The following SORT1 variants were observed in gnomAD, a reference collection of about 807,000 sequenced individuals.
SORT1 encodes the protein sortilin 1.
A neutral mutation model predicts 101.7 loss-of-function variants in SORT1; 39 were observed. That is an observed-to-expected ratio of 0.38 (90% CI 0.30 to 0.50). The LOEUF (loss-of-function observed/expected upper bound fraction) is 0.50, where lower values mean the gene tolerates loss of function less well. Ranked by LOEUF, SORT1 falls within the 20% of genes least tolerant of loss-of-function variation. SORT1 has a pLI of 0.90. For synonymous variants in SORT1, 396 were observed against 393.7 expected (o/e 1.01, Z -0.07); for missense variants, 878 against 1,040.4 (o/e 0.84, Z 2.15).
Position 109,356,035 on chromosome 1 carries a change from C to T in SORT1, c.441-566G>A, listed in dbSNP as rs143669378. Among the ~76,000 whole-genome samples, 463 of 152,220 alleles carry T rather than the reference C, an allele frequency of 3.0e-3. 5 individuals are homozygous for T. Among genetic ancestry groups the T allele is most frequent in the African/African-American group, 0.011 (444 of 41,534 alleles). On this transcript the variant is annotated intron_variant, in intron 3 of 19. Coordinates refer to ENST00000256637, the MANE Select transcript of SORT1 (RefSeq NM_002959.7). ...TACAGGTCCGTGTCACCACGCCTGG[C>T]TAATTTTTGTATTTTAAGTAGAGAC...
At position 109,312,923 on chromosome 1, in the gene SORT1, G is replaced by A. The variant is rs1658807986; in HGVS notation, c.*1120C>T. On this transcript the variant is annotated 3_prime_UTR_variant, in exon 20 of 20. Transcript: ENST00000256637. ...AATTACTTGGCAAAGTCAGAAAAAA[G>A]GGGTGAGAAGGAAAGCCTGGTAATA... 6.6e-6 allele frequency: 1 copy of A among 152,152 alleles called. No individual in the cohort carries two copies. Among genetic ancestry groups the A allele is most frequent in the Non-Finnish European group, 1.5e-5 (1 of 68,024 alleles). The allele number at this position is 152,152 out of a possible 1,614,324, so 9.4% of individuals were successfully genotyped here.
At chr1:109,315,428 G>A (rs1658971179) in intron 17 of SORT1, among the ~76,000 whole-genome samples, 1 of 152,000 alleles carries the variant, frequency 6.6e-6, no homozygotes, top group Non-Finnish European at 1.5e-5. Context: ...ACACTCTGAG[G>A]AGAGTCACCA....
intron 1 of SORT1, among the ~76,000 whole-genome samples, chr1:109,370,693 T>C (rs1353398299): frequency 6.6e-6 from 1 of 152,200 alleles, no homozygotes. Context: ...CTTACTAAGA[T>C]TTTAAAATCT....
At chr1:109,344,311 T>C (rs1419729691) in intron 8 of SORT1, among the ~76,000 whole-genome samples, 3 of 152,042 alleles carry the variant, frequency 2.0e-5, no homozygotes, top group Admixed American at 1.3e-4. Context: ...ATCTCAGCAT[T>C]CCCCTGCTCA....
At chr1:109,367,383 C>A (rs752936639) in intron 3 of SORT1, 25 bp downstream of exon 3, 1 of 1,364,860 alleles carries the variant, frequency 7.3e-7, no homozygotes, top group South Asian at 1.2e-5. Context: ...TAGTGAAATG[C>A]TCCAACGCGT....
chr1:109,329,818 T>C (rs1050470339), intron 11 of SORT1, among the ~76,000 whole-genome samples: 2 of 152,182 alleles, frequency 1.3e-5, no homozygotes, highest in African/African-American at 4.8e-5. Context: ...AGAAAACCAG[T>C]AAGGAAAGAG....
At chr1:109,365,779 C>CTAGTTGTA (rs1469832960) in intron 3 of SORT1, among the ~76,000 whole-genome samples, 6 of 152,296 alleles carry the variant, frequency 3.9e-5, no homozygotes, top group African/African-American at 1.4e-4. Context: ...GATGGCAATT[C>CTAGTTGTA]CTTGTTGGCC....
At chr1:109,350,895 G>A (rs1426608732) in intron 6 of SORT1, 34 bp downstream of exon 6, 1 of 1,408,014 alleles carries the variant, frequency 7.1e-7, no homozygotes. Context: ...GAAGGGTTTA[G>A]GGCTCTGCAC....
intron 1 of SORT1, among the ~76,000 whole-genome samples, chr1:109,394,728 A>G (rs927179341): frequency 4.6e-5 from 7 of 152,158 alleles, no homozygotes; most frequent in Admixed American, 1.3e-4. Flanking sequence ...AGATCTAGGC[A>G]TTTGGAGGGC....
At position 109,340,712 on chromosome 1, in the gene SORT1, G is replaced by A. The variant is rs774633658; in HGVS notation, c.1264+12C>T. The A allele has an allele frequency of 1.2e-5, 20 of 1,613,738 alleles. No homozygotes were observed. Among genetic ancestry groups the A allele is most frequent in the Non-Finnish European group, 1.6e-5 (19 of 1,179,874 alleles). On this transcript the variant is annotated intron_variant, in intron 10 of 19. Coordinates refer to ENST00000256637, the MANE Select transcript of SORT1 (RefSeq NM_002959.7). ...TGAAGGCACAGTACACCACTGCGAT[G>A]CCGAGACTCACCTTCGGAGAGCACG...
At chr1:109,350,905 C>T in intron 6 of SORT1, 24 bp downstream of exon 6, 4 of 1,519,364 alleles carry the variant, frequency 2.6e-6, no homozygotes, top group Non-Finnish European at 3.7e-6. Context: ...GGGCTCTGCA[C>T]AGATGGAGTC....
chr1:109,346,360 A>G (rs1649596929), intron 7 of SORT1, among the ~76,000 whole-genome samples: 1 of 151,494 alleles, frequency 6.6e-6, no homozygotes, highest in African/African-American at 2.4e-5. Context: ...TAGGCAATTC[A>G]TATTTGTGTT....
In SORT1 at chr1:109,335,694, T is replaced by C. The variant is rs191797953; in HGVS notation, c.1371+546A>G. Among the ~76,000 whole-genome samples the C allele has an allele frequency of 1.1e-4, 17 of 152,070 alleles. No individual in the cohort carries two copies. The East Asian group carries it at 3.3e-3, about 29-fold the overall frequency. Reference sequence around the variant, plus strand: ...TTCCTTGCCTGCCAAGGCCTGTCACTCCAGGCTTTAGATCTCCTGGAGTGA... The same window carrying C: ...TTCCTTGCCTGCCAAGGCCTGTCACCCCAGGCTTTAGATCTCCTGGAGTGA... On this transcript the variant is annotated intron_variant, in intron 11 of 19. Transcript: ENST00000256637.
intron 3 of SORT1, among the ~76,000 whole-genome samples, chr1:109,362,152 T>C (rs1182831016): frequency 6.6e-6 from 1 of 152,162 alleles, no homozygotes; most frequent in African/African-American, 2.4e-5. Flanking sequence ...TCAGTGTTAA[T>C]GAATCAATAA....
At chr1:109,326,085 C>T (rs1647998170) in intron 13 of SORT1, among the ~76,000 whole-genome samples, 1 of 147,132 alleles carries the variant, frequency 6.8e-6, no homozygotes, top group Non-Finnish European at 1.5e-5. Context: ...CGGGATCTCA[C>T]TCTGTCACCC....
chr1:109,318,155 C>CTTTTT (rs368333953), intron 15 of SORT1, among the ~76,000 whole-genome samples, 186 bp from the exon 16 acceptor site: 1 of 136,650 alleles, frequency 7.3e-6, no homozygotes, highest in African/African-American at 2.7e-5. Flanking sequence ...CGGAGAGGGC[C>CTTTTT]TTTTTTTTTT....
chr1:109,319,054 A>G (rs1305386143), intron 15 of SORT1, among the ~76,000 whole-genome samples: 1 of 152,244 alleles, frequency 6.6e-6, no homozygotes, highest in East Asian at 1.9e-4. Flanking sequence ...TTGGGATTAC[A>G]GGCATGAGTC....
intron 1 of SORT1, among the ~76,000 whole-genome samples, chr1:109,379,421 C>G (rs1000278053): frequency 1.3e-5 from 2 of 152,170 alleles, no homozygotes; most frequent in Non-Finnish European, 2.9e-5. Context: ...GTGGGTTGGA[C>G]AAGCTTCATT....
Position 109,388,414 on chromosome 1 carries a change from A to T in SORT1, c.306+9173T>A, listed in dbSNP as rs188151059. The stretch of plus-strand genomic sequence containing the variant: ...CTACCATACCAGGCTAATTAAAAAA[A>T]TTTTTTTATACAGATGGGGTCTCAC... On this transcript the variant is annotated intron_variant, in intron 1 of 19. Transcript: ENST00000256637. Among the ~76,000 whole-genome samples the T allele has an allele frequency of 5.8e-3, 865 of 148,856 alleles. 5 individuals are homozygous for T. The highest frequency in any genetic ancestry group is 9.0e-3 in the Non-Finnish European group (607 of 67,144).
Sources: gnomAD v4.1 joint callset for allele counts (sites outside exome capture counted in the v4.1 genomes callset) on GRCh38, gnomAD v4.1.1 for gene constraint, MANE v1.5 for transcripts, NCBI Gene and HGNC (gene_info 2026-07-23, HGNC 2026-07-21) for gene names.